Variants in GNPTAB observed in about 807,000 individuals in gnomAD.
The protein encoded by GNPTAB is N-acetylglucosamine-1-phosphotransferase subunits alpha/beta.
Under a neutral mutation model 136.6 loss-of-function variants are expected in GNPTAB, and 92 were observed. The observed-to-expected ratio is 0.67, with a 90% CI of 0.57 to 0.80. GNPTAB has a LOEUF of 0.80. Ranked by LOEUF, GNPTAB falls within the 30% of genes least tolerant of loss-of-function variation. GNPTAB has a pLI of 0.00. For synonymous variants in GNPTAB, 512 were observed against 535.1 expected (o/e 0.96, Z 0.60); for missense variants, 1,343 against 1,501.8 (o/e 0.89, Z 1.75).
intron 7 of GNPTAB, chr12:101,773,371 C>A: frequency 3.3e-6 from 1 of 302,516 alleles, no homozygotes. Context: ...TCGGATCCTG[C>A]TTATACATTT....
intron 1 of GNPTAB, among the ~76,000 whole-genome samples, chr12:101,823,401 G>A (rs530355192): frequency 2.6e-5 from 4 of 152,114 alleles, no homozygotes; most frequent in Non-Finnish European, 5.9e-5. Context: ...CTTGAGGTCA[G>A]GAGTTTGAGA....
chr12:101,778,937 A>C (rs1953298429), intron 7 of GNPTAB: 1 of 152,134 alleles, frequency 6.6e-6, no homozygotes, highest in Non-Finnish European at 1.5e-5. Context: ...AAATATGAAA[A>C]AAGTAAAAAA....
chr12:101,827,422 A>AT (rs1871147199), intron 1 of GNPTAB, among the ~76,000 whole-genome samples: 1 of 151,106 alleles, frequency 6.6e-6, no homozygotes, highest in Non-Finnish European at 1.5e-5. Flanking sequence ...TTTTTTTTGT[A>AT]GAGACAGGGT....
chr12:101,799,619 C>A (rs983851890), intron 1 of GNPTAB, among the ~76,000 whole-genome samples: 1 of 152,156 alleles, frequency 6.6e-6, no homozygotes, highest in Non-Finnish European at 1.5e-5. Flanking sequence ...AAATTAACAC[C>A]AACAGTCAGT....
At chr12:101,767,858 T>C in intron 11 of GNPTAB, 179 bp downstream of exon 11, 1 of 740,888 alleles carries the variant, frequency 1.3e-6, no homozygotes, top group South Asian at 1.6e-5. Flanking sequence ...CCTCAAGCAC[T>C]CCTCCCAGCT....
chr12:101,828,647 G>A (rs1029392961), intron 1 of GNPTAB, among the ~76,000 whole-genome samples: 7 of 151,992 alleles, frequency 4.6e-5, no homozygotes, highest in Non-Finnish European at 4.4e-5. Context: ...CCGAGATTGC[G>A]CCATTGCACT....
intron 2 of GNPTAB, among the ~76,000 whole-genome samples, chr12:101,792,624 T>G (rs551680886): frequency 1.3e-5 from 2 of 152,204 alleles, no homozygotes; most frequent in South Asian, 4.2e-4. Context: ...AACCACCTCC[T>G]CCTTCCTCAA....
Position 101,830,833 on chromosome 12 carries a change from C to A in GNPTAB, c.-158G>T, listed in dbSNP as rs1381184358. On this transcript the variant is annotated 5_prime_UTR_variant, in exon 1 of 21. Coordinates refer to ENST00000299314, the MANE Select transcript of GNPTAB (RefSeq NM_024312.5). ...TTGCAGCTCCGGCGACGGACGCCCG[C>A]TCGGCTCCGCGCCGCGGCCGCCGCT... 1 of 205,744 alleles carries A rather than the reference C, an allele frequency of 4.9e-6. No homozygotes were observed. The highest frequency in any genetic ancestry group is 9.7e-6 in the Non-Finnish European group (1 of 103,402). The allele number at this position is 205,744 out of a possible 1,614,324, so 12.7% of individuals were successfully genotyped here.
intron 2 of GNPTAB, among the ~76,000 whole-genome samples, chr12:101,792,497 G>T (rs1430974805): frequency 1.3e-5 from 2 of 152,204 alleles, no homozygotes; most frequent in African/African-American, 4.8e-5. Flanking sequence ...TGCACCTTAT[G>T]TTCTGGATGA....
chr12:101,806,754 A>C (rs999620377), intron 1 of GNPTAB, among the ~76,000 whole-genome samples: 1 of 152,174 alleles, frequency 6.6e-6, no homozygotes, highest in Admixed American at 6.5e-5. Flanking sequence ...GAATAGGGCT[A>C]TATCTATAAA....
Position 101,786,146 on chromosome 12 carries a change from G to C in GNPTAB, c.437C>G (p.Pro146Arg). Residue 146 changes from proline (P) to arginine (R), a missense_variant, in exon 5 of 21, where the codon CCA becomes CGA. By Grantham distance (103) the Pro-to-Arg change is moderately radical (BLOSUM62 -2). Coordinates refer to ENST00000299314, the MANE Select transcript of GNPTAB (RefSeq NM_024312.5). ...CAGGTCCTTCAGGGTGATGTTGGCT[G>C]GCAGGGCTGGGTCCAGGACAAGCAT... ...VPMLVLDPAL[P>R]ANITLKDLPS... 6.2e-7 allele frequency: 1 copy of C among 1,614,034 alleles called. No individual in the cohort carries two copies. The highest frequency in any genetic ancestry group is 8.5e-7 in the Non-Finnish European group (1 of 1,179,954).
intron 19 of GNPTAB, among the ~76,000 whole-genome samples, chr12:101,753,147 A>G (rs1205977746): frequency 3.3e-5 from 5 of 151,896 alleles, no homozygotes; most frequent in African/African-American, 1.2e-4. Context: ...CCAGCTACTC[A>G]GGAGGCTGAG....
Position 101,830,708 on chromosome 12 carries a change from G to T in GNPTAB, c.-33C>A. ...TCACCGCCACGCCACGCCCCGAGGA[G>T]CCTGAGCCGCCGCCGCCGCCGCCGC... On this transcript the variant is annotated 5_prime_UTR_variant, in exon 1 of 21. Transcript: ENST00000299314. 7.4e-7 allele frequency: 1 copy of T among 1,352,972 alleles called. No homozygotes were observed. The highest frequency in any genetic ancestry group is 1.0e-6 in the Non-Finnish European group (1 of 984,816). 83.8% of individuals were successfully genotyped at this position (1,352,972 alleles called of 1,614,324 possible). A position where few individuals can be genotyped will look rare whatever the true frequency, so the allele number is the denominator to read the frequency against.
intron 2 of GNPTAB, among the ~76,000 whole-genome samples, chr12:101,793,246 A>C (rs1479872261): frequency 6.6e-6 from 1 of 152,186 alleles, no homozygotes; most frequent in African/African-American, 2.4e-5. Flanking sequence ...GCCCACATGT[A>C]AATTATCCAA....
At chr12:101,789,443 T>C (rs1050046043) in intron 3 of GNPTAB, among the ~76,000 whole-genome samples, 17 of 152,160 alleles carry the variant, frequency 1.1e-4, no homozygotes, top group African/African-American at 3.9e-4. Context: ...CTCTAATGCA[T>C]GCTTACTTGT....
chr12:101,785,974 G>C, intron 5 of GNPTAB, 38 bp downstream of exon 5: 1 of 1,403,992 alleles, frequency 7.1e-7, no homozygotes, highest in African/African-American at 1.4e-5. Flanking sequence ...AACATCCAAT[G>C]ATAACATGAT....
chr12:101,794,216 T>C (rs1394873928), intron 2 of GNPTAB, among the ~76,000 whole-genome samples: 1 of 152,228 alleles, frequency 6.6e-6, no homozygotes, highest in Non-Finnish European at 1.5e-5. Context: ...CTTAATCTAA[T>C]ATCCACATTT....
Position 101,761,649 on chromosome 12 carries a change from T to C in GNPTAB, c.2830A>G (p.Ser944Gly), listed in dbSNP as rs1952998240. Residue 944 changes from serine (S) to glycine (G), a missense_variant, in exon 14 of 21, where the codon AGC (serine) becomes GGC (glycine). Coordinates refer to ENST00000299314, the MANE Select transcript of GNPTAB (RefSeq NM_024312.5). ...TTCCGCGATGTGAATCCAAACTTGC[T>C]ATTTAGAATTTTATTTACATATCTG... ...SLRYVNKILN[S>G]KFGFTSRKVP... 4 of 1,614,032 alleles carry C rather than the reference T, an allele frequency of 2.5e-6. No homozygotes were observed. In the African/African-American group the frequency reaches 4.0e-5, roughly 16 times the overall value.
chr12:101,787,784 A>G (rs1039950896), intron 4 of GNPTAB, among the ~76,000 whole-genome samples: 2 of 152,016 alleles, frequency 1.3e-5, no homozygotes, highest in African/African-American at 4.8e-5. Context: ...GTGGTGGTGC[A>G]TGCCTATAAT....
Sources: gnomAD v4.1 joint callset for allele counts (sites outside exome capture counted in the v4.1 genomes callset) on GRCh38, gnomAD v4.1.1 for gene constraint, MANE v1.5 for transcripts, NCBI Gene and HGNC (gene_info 2026-07-23, HGNC 2026-07-21) for gene names.